Variants in LRRC4C observed in about 807,000 individuals in gnomAD.
LRRC4C encodes the protein leucine-rich repeat-containing protein 4C.
A neutral mutation model predicts 33.6 loss-of-function variants in LRRC4C; 5 were observed. The ratio of observed to expected loss-of-function variants is 0.15; its 90% confidence interval spans 0.08 to 0.31. The LOEUF (loss-of-function observed/expected upper bound fraction) is 0.31, where lower values mean the gene tolerates loss of function less well. Among genes scored for constraint, LRRC4C ranks in the 10% least tolerant of loss-of-function variants. The probability of loss-of-function intolerance (pLI) is 1.00; values close to 1 mark genes in which losing one functional copy is unlikely to be tolerated. For missense variants in LRRC4C, 560 were observed against 796.7 expected (o/e 0.70, Z 3.58); for synonymous variants, 329 against 302.0 (o/e 1.09, Z -0.93).
chr11:41,034,456 A>C (rs1175787901), intron 1 of LRRC4C, among the ~76,000 whole-genome samples: 1 of 124,578 alleles, frequency 8.0e-6, no homozygotes. Context: ...ACACACACAC[A>C]CCATATATAT....
At chr11:40,532,969 T>A (rs186957633) in intron 3 of LRRC4C, among the ~76,000 whole-genome samples, 8 of 152,196 alleles carry the variant, frequency 5.3e-5, no homozygotes, top group South Asian at 4.1e-4. Context: ...CAAACACTTA[T>A]AAAACCATCA....
At chr11:41,420,259 C>A (rs977645892) in intron 1 of LRRC4C, among the ~76,000 whole-genome samples, 2 of 152,040 alleles carry the variant, frequency 1.3e-5, no homozygotes, top group South Asian at 2.1e-4. Context: ...GCCTTCCCCT[C>A]CTCACCATGC....
chr11:40,213,305 C>T (rs1223269274), intron 5 of LRRC4C, among the ~76,000 whole-genome samples: 1 of 152,098 alleles, frequency 6.6e-6, no homozygotes, highest in Non-Finnish European at 1.5e-5. Context: ...CATGTAAGGG[C>T]AAAAGGAATG....
chr11:40,830,628 T>C (rs1443696107), intron 2 of LRRC4C, among the ~76,000 whole-genome samples: 1 of 152,114 alleles, frequency 6.6e-6, no homozygotes, highest in East Asian at 1.9e-4. Flanking sequence ...TTAGCTCATA[T>C]CTAAAGGAGA....
intron 1 of LRRC4C, among the ~76,000 whole-genome samples, chr11:41,365,712 C>T (rs890702164): frequency 1.3e-5 from 2 of 152,108 alleles, no homozygotes; most frequent in Non-Finnish European, 2.9e-5. Context: ...ATTACATTGT[C>T]CTAGACACAG....
At chr11:40,201,655 C>T (rs1350611437) in intron 5 of LRRC4C, among the ~76,000 whole-genome samples, 1 of 152,126 alleles carries the variant, frequency 6.6e-6, no homozygotes, top group South Asian at 2.1e-4. Flanking sequence ...CCATAGAACT[C>T]CCATAAGAAC....
intron 2 of LRRC4C, among the ~76,000 whole-genome samples, chr11:40,895,675 C>A (rs1461604163): frequency 2.0e-5 from 3 of 152,182 alleles, no homozygotes; most frequent in Non-Finnish European, 2.9e-5. Context: ...ATATTTTATT[C>A]TTTTTCTCTG....
At chr11:40,834,343 C>T (rs1952557824) in intron 2 of LRRC4C, among the ~76,000 whole-genome samples, 1 of 151,748 alleles carries the variant, frequency 6.6e-6, no homozygotes, top group African/African-American at 2.4e-5. Flanking sequence ...TGGTGGTACA[C>T]ATCTGTAATC....
chr11:40,875,017 C>G (rs890781496), intron 2 of LRRC4C, among the ~76,000 whole-genome samples: 1 of 151,998 alleles, frequency 6.6e-6, no homozygotes. Context: ...AAATCATTTC[C>G]CATTCAGCCT....
At chr11:40,494,851 G>T (rs1954347371) in intron 3 of LRRC4C, among the ~76,000 whole-genome samples, 1 of 152,152 alleles carries the variant, frequency 6.6e-6, no homozygotes, top group African/African-American at 2.4e-5. Flanking sequence ...CTCCAAATAA[G>T]TACAAGGAAT....
At chr11:40,835,143 C>T (rs901497938) in intron 2 of LRRC4C, among the ~76,000 whole-genome samples, 1 of 152,122 alleles carries the variant, frequency 6.6e-6, no homozygotes, top group Non-Finnish European at 1.5e-5. Context: ...GCTCAACCAC[C>T]ATCCTGATAT....
intron 2 of LRRC4C, among the ~76,000 whole-genome samples, chr11:40,684,411 A>G (rs879568661): frequency 1.3e-5 from 2 of 152,056 alleles, no homozygotes; most frequent in African/African-American, 4.8e-5. Context: ...GAAGATAGAG[A>G]TAAGGAAGTA....
In LRRC4C at chr11:40,670,824, C is replaced by G. The variant is rs191410123; in HGVS notation, c.-406-22546G>C. On this transcript the variant is annotated intron_variant, in intron 2 of 6. Transcript: ENST00000528697. Reference sequence around the variant, plus strand: ...TGTCGCCCAGGCTGGAGTGCAGTGACGCATCCTCGGCTCACTGCAAGCTCC... The same window carrying G: ...TGTCGCCCAGGCTGGAGTGCAGTGAGGCATCCTCGGCTCACTGCAAGCTCC... Among the ~76,000 whole-genome samples, 208 of 152,248 alleles carry G rather than the reference C, an allele frequency of 1.4e-3. 1 individual carries two copies. The highest frequency in any genetic ancestry group is 4.9e-3 in the African/African-American group (204 of 41,560).
intron 1 of LRRC4C, among the ~76,000 whole-genome samples, chr11:41,217,056 A>G (rs1274178265): frequency 6.6e-6 from 1 of 152,020 alleles, no homozygotes; most frequent in Non-Finnish European, 1.5e-5. Context: ...ATACTACAAC[A>G]TCCCTATTTT....
At chr11:41,198,202 T>A (rs548757812) in intron 1 of LRRC4C, among the ~76,000 whole-genome samples, 1 of 152,154 alleles carries the variant, frequency 6.6e-6, no homozygotes, top group South Asian at 2.1e-4. Context: ...TTCCATTGTA[T>A]GCAATTCAGT....
intron 2 of LRRC4C, among the ~76,000 whole-genome samples, chr11:40,808,212 TC>T (rs1162981567): frequency 1.3e-5 from 2 of 152,092 alleles, no homozygotes; most frequent in African/African-American, 4.8e-5. Context: ...ATCATAATTA[TC>T]ATTACTGTTT....
At chr11:40,644,545 TAAAC>T (rs1472764527) in intron 3 of LRRC4C, among the ~76,000 whole-genome samples, 1 of 152,182 alleles carries the variant, frequency 6.6e-6, no homozygotes, top group Non-Finnish European at 1.5e-5. Context: ...GGTAAATAAT[TAAAC>T]AAACTGTGGT....
intron 2 of LRRC4C, among the ~76,000 whole-genome samples, chr11:40,687,901 A>T (rs1053202890): frequency 6.6e-6 from 1 of 152,142 alleles, no homozygotes; most frequent in African/African-American, 2.4e-5. Flanking sequence ...ATCTTACTCA[A>T]TAGCTAATTC....
At chr11:40,630,107 G>A (rs1963324138) in intron 3 of LRRC4C, among the ~76,000 whole-genome samples, 1 of 152,036 alleles carries the variant, frequency 6.6e-6, no homozygotes, top group Non-Finnish European at 1.5e-5. Flanking sequence ...AACCTCAGTT[G>A]TAGACTTTGT....
Sources: allele counts gnomAD v4.1 joint callset (sites outside exome capture counted in the v4.1 genomes callset), GRCh38; gene constraint gnomAD v4.1.1; transcripts MANE v1.5; gene names NCBI Gene and HGNC (gene_info 2026-07-23, HGNC 2026-07-21).